The following CFAP43 variants were observed in gnomAD, a reference collection of about 807,000 sequenced individuals.
CFAP43 encodes cilia- and flagella-associated protein 43.
Under a neutral mutation model 218.9 loss-of-function variants are expected in CFAP43, and 155 were observed. The ratio of observed to expected loss-of-function variants is 0.71; its 90% CI spans 0.62 to 0.81. The LOEUF (loss-of-function observed/expected upper bound fraction) is 0.81, where lower values mean the gene tolerates loss of function less well. Among genes scored for constraint, CFAP43 ranks in the 30% least tolerant of loss-of-function variants. The pLI, the probability that CFAP43 is intolerant of heterozygous loss-of-function variation, is 0.00. For synonymous variants in CFAP43, 645 were observed against 681.3 expected, an observed-to-expected ratio of 0.95 and a Z score of 0.83; for missense variants, 1,778 against 1,954.3, an observed-to-expected ratio of 0.91 and a Z score of 1.70.
intron 3 of CFAP43, among the ~76,000 whole-genome samples, chr10:104,223,899 A>C (rs2135005017): frequency 6.6e-6 from 1 of 152,350 alleles, no homozygotes; most frequent in Non-Finnish European, 1.5e-5. Context: ...GCATGAAAGA[A>C]GCCCGACAAA....
At chr10:104,167,217 G>A (rs752383867) in intron 22 of CFAP43, among the ~76,000 whole-genome samples, 17 of 152,256 alleles carry the variant, frequency 1.1e-4, no homozygotes, top group African/African-American at 3.6e-4. Context: ...TGCTTAAAAA[G>A]TTGGGATTTA....
At chr10:104,171,813 G>A (rs2089425205) in intron 20 of CFAP43, among the ~76,000 whole-genome samples, 2 of 152,110 alleles carry the variant, frequency 1.3e-5, no homozygotes, top group African/African-American at 4.8e-5. Context: ...TCTCTACACT[G>A]GACAGAAAAT....
intron 19 of CFAP43, among the ~76,000 whole-genome samples, chr10:104,173,974 G>A (rs1280436108): frequency 6.6e-6 from 1 of 152,090 alleles, no homozygotes; most frequent in East Asian, 1.9e-4. Flanking sequence ...AGTAACTAGG[G>A]ATGCAAAATA....
rs118004025 is a variant in CFAP43 at position 104,208,929 on chromosome 10, C to T, written c.736-1105G>A. ...GACTTAAAACTGGATACATTTCTAACGCCCTAAATAAGTTGTGTAATGTGA... is the reference window on the plus strand; with the variant it reads ...GACTTAAAACTGGATACATTTCTAATGCCCTAAATAAGTTGTGTAATGTGA... On this transcript the variant is annotated intron_variant, in intron 5 of 37. Transcript: ENST00000357060. 4.5e-4 allele frequency among the ~76,000 whole-genome samples: 69 copies of T among 152,266 alleles called. 1 individual carries two copies. In the East Asian group the frequency reaches 0.012, roughly 27 times the overall value.
At chr10:104,211,549 G>A (rs926205130) in intron 5 of CFAP43, among the ~76,000 whole-genome samples, 3 of 151,794 alleles carry the variant, frequency 2.0e-5, no homozygotes, top group African/African-American at 4.8e-5. Flanking sequence ...AATTCCTTTC[G>A]CCCCTGAGTT....
intron 17 of CFAP43, among the ~76,000 whole-genome samples, chr10:104,181,156 C>T (rs1424051978): frequency 1.3e-5 from 2 of 152,146 alleles, no homozygotes; most frequent in East Asian, 3.8e-4. Context: ...TAGCTGCCCC[C>T]TTCCCCCAGA....
Position 104,145,555 on chromosome 10 carries a change from G to A in CFAP43, c.3865C>T (p.Arg1289Cys), listed in dbSNP as rs778690270. 8.1e-6 allele frequency: 13 copies of A among 1,600,688 alleles called. No individual in the cohort carries two copies. In the South Asian group the frequency reaches 1.0e-4, roughly 12 times the overall value. ...NLLAEDKVMD[R>C]SFKKEFSEIP... ...TCAGAAAATTCCTTTTTAAAGCTGC[G>A]ATCCATAACCTAAGGACAAACATGA... Residue 1289 changes from arginine (R) to cysteine (C), a missense_variant, in exon 31 of 38, where the codon CGC (arginine) becomes TGC (cysteine). Arg to Cys is a radical substitution (Grantham distance 180, BLOSUM62 -3). Transcript: ENST00000357060.
chr10:104,141,575 C>T (rs993702133), intron 33 of CFAP43, among the ~76,000 whole-genome samples: 3 of 152,112 alleles, frequency 2.0e-5, no homozygotes, highest in Non-Finnish European at 2.9e-5. Flanking sequence ...CGTGCCACTG[C>T]ACTCCAGCTT....
At chr10:104,212,713 G>A (rs1164902271) in intron 4 of CFAP43, among the ~76,000 whole-genome samples, 1 of 152,058 alleles carries the variant, frequency 6.6e-6, no homozygotes, top group Non-Finnish European at 1.5e-5. Context: ...CTGATATTGA[G>A]TTCATTTTCA....
chr10:104,137,788 C>T (rs554717657), intron 34 of CFAP43, among the ~76,000 whole-genome samples: 136 of 152,186 alleles, frequency 8.9e-4, no homozygotes, highest in African/African-American at 3.0e-3. Context: ...ATGACAGAGC[C>T]AGACCCTGTC....
At chr10:104,146,447 A>C in intron 29 of CFAP43, 98 bp from the exon 30 acceptor site, 1 of 847,076 alleles carries the variant, frequency 1.2e-6, no homozygotes, top group East Asian at 2.5e-5. Context: ...TTCCTAGTAC[A>C]AGAGAAATAT....
At chr10:104,189,279 T>A (rs2090131944) in intron 12 of CFAP43, among the ~76,000 whole-genome samples, 1 of 138,876 alleles carries the variant, frequency 7.2e-6, no homozygotes, top group Non-Finnish European at 1.5e-5. Context: ...ATGACTCCCC[T>A]GTCTTCAAAT....
chr10:104,143,001 T>A (rs1054608863), intron 32 of CFAP43, among the ~76,000 whole-genome samples: 1 of 152,194 alleles, frequency 6.6e-6, no homozygotes, highest in Non-Finnish European at 1.5e-5. Context: ...ATCAAAGAAA[T>A]GAACTTAATT....
Position 104,224,701 on chromosome 10 carries a change from G to A in CFAP43, c.416+760C>T, listed in dbSNP as rs182147197. 3.1e-3 allele frequency among the ~76,000 whole-genome samples: 440 copies of A among 143,990 alleles called. 6 individuals carry two copies. In the East Asian group the frequency reaches 0.051, roughly 17 times the overall value. 94.5% of individuals were successfully genotyped at this position (143,990 alleles called of 152,430 possible). A position where few individuals can be genotyped will look rare whatever the true frequency, so the allele number is the denominator to read the frequency against. On this transcript the variant is annotated intron_variant, in intron 3 of 37. Transcript: ENST00000357060. ...ACCTGGGAGATGGAGGTTGCAGTGA[G>A]CTGAGATCGTGCCACTGCACTCCAG...
intron 2 of CFAP43, among the ~76,000 whole-genome samples, chr10:104,229,102 T>G (rs2091378662): frequency 6.6e-6 from 1 of 152,194 alleles, no homozygotes. Flanking sequence ...ACCTAGATAG[T>G]CCCCAACATG....
At chr10:104,175,841 T>A (rs1468234386) in intron 19 of CFAP43, among the ~76,000 whole-genome samples, 1 of 152,242 alleles carries the variant, frequency 6.6e-6, no homozygotes, top group East Asian at 1.9e-4. Flanking sequence ...AGTTGGGGAC[T>A]GTCTGTATAT....
rs1361000504 is a variant in CFAP43, at chr10:104,188,327, GA to G, written c.1629del (p.Pro544GlnfsTer31). 1 of 1,614,112 alleles carries G rather than the reference GA, an allele frequency of 6.2e-7. No individual in the cohort carries two copies. The highest frequency in any genetic ancestry group is 8.5e-7 in the Non-Finnish European group (1 of 1,180,010). ...DIVEVMVLSS[L>X]PEAGRSRLEM... ...TCCAACCTGCTTCTCCCTGCTTCTG[GA>G]AGCGAGGAAAGCACCATCACTTCCA... is the stretch of plus-strand genomic sequence containing the variant. On this transcript the variant is annotated frameshift_variant, in exon 13 of 38. Transcript: ENST00000357060. LOFTEE classifies it high-confidence loss of function.
At chr10:104,203,265 C>T (rs1376236651) in intron 8 of CFAP43, among the ~76,000 whole-genome samples, 2 of 152,216 alleles carry the variant, frequency 1.3e-5, no homozygotes, top group East Asian at 1.9e-4. Flanking sequence ...GTCTAGATTC[C>T]AAGATTTTTT....
At chr10:104,212,254 T>A (rs2090886925) in intron 4 of CFAP43, 97 bp from the exon 5 acceptor site, 2 of 1,235,328 alleles carry the variant, frequency 1.6e-6, no homozygotes, top group South Asian at 4.1e-5. Flanking sequence ...GGAGGTATTA[T>A]AACTTGCAAA....
Sources: allele counts gnomAD v4.1 joint callset (sites outside exome capture counted in the v4.1 genomes callset), GRCh38; gene constraint gnomAD v4.1.1; transcripts MANE v1.5; gene names NCBI Gene and HGNC (gene_info 2026-07-23, HGNC 2026-07-21).